The following RHEB variants were observed in gnomAD, a reference collection of about 807,000 sequenced individuals.
The protein encoded by RHEB is GTP-binding protein Rheb.
In RHEB, 2 loss-of-function variants were observed where a neutral mutation model predicts 28.8. That is an observed-to-expected ratio of 0.07 (90% CI 0.03 to 0.22). The LOEUF (loss-of-function observed/expected upper bound fraction) is 0.22, where lower values mean the gene tolerates loss of function less well. Among genes scored for constraint, RHEB ranks in the 10% least tolerant of loss-of-function variants. The probability of loss-of-function intolerance (pLI) is 1.00; values close to 1 mark genes in which losing one functional copy is unlikely to be tolerated. For missense variants in RHEB, 76 were observed against 219.9 expected, an observed-to-expected ratio of 0.35 and a Z score of 4.14; for synonymous variants, 69 against 77.3, an observed-to-expected ratio of 0.89 and a Z score of 0.56.
chr7:151,513,007 T>C (rs1803018889), intron 1 of RHEB, among the ~76,000 whole-genome samples: 1 of 152,212 alleles, frequency 6.6e-6, no homozygotes, highest in African/African-American at 2.4e-5. Flanking sequence ...CTGTATTCTT[T>C]ACTACCATGC....
At chr7:151,483,890 T>A (rs189777989) in intron 3 of RHEB, among the ~76,000 whole-genome samples, 1 of 152,324 alleles carries the variant, frequency 6.6e-6, no homozygotes, top group East Asian at 1.9e-4. Context: ...TTTCATGTAC[T>A]CCTTTCCCCC....
At chr7:151,497,114 C>T (rs1802688409) in intron 1 of RHEB, among the ~76,000 whole-genome samples, 2 of 152,028 alleles carry the variant, frequency 1.3e-5, no homozygotes, top group African/African-American at 2.4e-5. Context: ...TTAATCTAAT[C>T]AACTGCCTTT....
intron 3 of RHEB, among the ~76,000 whole-genome samples, chr7:151,482,885 C>A (rs1159359852): frequency 6.6e-6 from 1 of 152,186 alleles, no homozygotes; most frequent in Non-Finnish European, 1.5e-5. Flanking sequence ...TTCTAATGAG[C>A]CTCGTCATCT....
intron 2 of RHEB, among the ~76,000 whole-genome samples, chr7:151,485,959 C>T (rs1802466994): frequency 6.6e-6 from 1 of 152,220 alleles, no homozygotes; most frequent in Non-Finnish European, 1.5e-5. Flanking sequence ...TTTTAGGAAA[C>T]AGTTAAATCA....
At chr7:151,493,902 A>AT (rs1802629809) in intron 1 of RHEB, among the ~76,000 whole-genome samples, 1 of 152,188 alleles carries the variant, frequency 6.6e-6, no homozygotes, top group South Asian at 2.1e-4. Flanking sequence ...GTAAAAAAAA[A>AT]ACAAACTGTT....
intron 1 of RHEB, among the ~76,000 whole-genome samples, chr7:151,510,987 G>A (rs1255010267): frequency 6.6e-6 from 1 of 152,122 alleles, no homozygotes; most frequent in African/African-American, 2.4e-5. Flanking sequence ...GCTGAGGCGG[G>A]AGGATCCTTG....
Position 151,467,155 on chromosome 7 carries a change from T to G in RHEB, c.519A>C (p.Ala173=). Residue 173 remains alanine (A), a synonymous_variant, in exon 8 of 8, where the codon GCA becomes GCC. Transcript: ENST00000262187. ...IILEAEKMDG[A]ASQGKSSCSV... is the part of the protein sequence containing the mutation. ...AGCATGAAGACTTGCCTTGTGAAGC[T>G]GCCCCGTCCATTTTTTCTGCCTCCA... 1 of 1,613,844 alleles carries G rather than the reference T, an allele frequency of 6.2e-7. No individual in the cohort carries two copies. The highest frequency in any genetic ancestry group is 8.5e-7 in the Non-Finnish European group (1 of 1,179,724).
chr7:151,478,620 C>G (rs1003803239), intron 3 of RHEB, among the ~76,000 whole-genome samples: 1 of 151,950 alleles, frequency 6.6e-6, no homozygotes, highest in Admixed American at 6.6e-5. Flanking sequence ...GAGGAAAGAG[C>G]CCCCAGCTGA....
At chr7:151,493,004 T>C (rs937645772) in intron 1 of RHEB, among the ~76,000 whole-genome samples, 1 of 151,858 alleles carries the variant, frequency 6.6e-6, no homozygotes, top group East Asian at 1.9e-4. Flanking sequence ...CACACCTGAC[T>C]AATTTTTTTT....
intron 1 of RHEB, among the ~76,000 whole-genome samples, chr7:151,506,035 A>T (rs969945027): frequency 9.9e-5 from 15 of 152,182 alleles, no homozygotes; most frequent in Non-Finnish European, 2.9e-5. Flanking sequence ...GGAATGTTTC[A>T]TATTTTGATA....
intron 1 of RHEB, chr7:151,502,425 G>C: frequency 1.2e-6 from 1 of 810,402 alleles, no homozygotes; most frequent in East Asian, 2.4e-5. Context: ...ATACAACAAA[G>C]GCTCAAACTT....
intron 1 of RHEB, among the ~76,000 whole-genome samples, chr7:151,496,945 A>ATT (rs1172246541): frequency 1.7e-4 from 21 of 124,518 alleles, no homozygotes; most frequent in South Asian, 7.7e-4. Context: ...ACACTCGGCT[A>ATT]TTTTTTTTTT....
At chr7:151,467,280 G>A in intron 7 of RHEB, 69 bp from the exon 8 acceptor site, 2 of 1,192,176 alleles carry the variant, frequency 1.7e-6, no homozygotes, top group Non-Finnish European at 2.5e-6. Context: ...TTTACGGACT[G>A]AGGAGGGCGT....
At chr7:151,501,436 A>G (rs1197024352) in intron 1 of RHEB, among the ~76,000 whole-genome samples, 1 of 152,226 alleles carries the variant, frequency 6.6e-6, no homozygotes, top group Non-Finnish European at 1.5e-5. Flanking sequence ...AAAATAAAAA[A>G]TATTGGCCAT....
At chr7:151,470,071 A>ACATGC (rs1235271319) in intron 7 of RHEB, among the ~76,000 whole-genome samples, 1 of 152,206 alleles carries the variant, frequency 6.6e-6, no homozygotes, top group Non-Finnish European at 1.5e-5. Flanking sequence ...CCTTCCCAGA[A>ACATGC]CATGCCTTTG....
At chr7:151,507,361 T>C (rs909519868) in intron 1 of RHEB, among the ~76,000 whole-genome samples, 2 of 152,064 alleles carry the variant, frequency 1.3e-5, no homozygotes, top group Non-Finnish European at 2.9e-5. Context: ...AGGGGTGATA[T>C]GTGTTGTATT....
chr7:151,467,309 C>T lies in RHEB; in HGVS notation c.463-98G>A, dbSNP rs991133349. 1.0e-5 allele frequency: 9 copies of T among 866,524 alleles called. No homozygotes were observed. In the African/African-American group the frequency reaches 1.5e-4, roughly 14 times the overall value. The allele number at this position is 866,524 out of a possible 1,614,324, so 53.7% of individuals were successfully genotyped here. A position where few individuals can be genotyped will look rare whatever the true frequency, so the allele number is the denominator to read the frequency against. ...AGGGCGTGCCGCCTGCCCTGCCCTC[C>T]TACTGGTGGAGGAGGAGGGGTTCTG... On this transcript the variant is annotated intron_variant, in intron 7 of 7. Coordinates refer to ENST00000262187, the MANE Select transcript of RHEB (RefSeq NM_005614.4).
At chr7:151,516,572 C>T (rs928959781) in intron 1 of RHEB, among the ~76,000 whole-genome samples, 5 of 144,480 alleles carry the variant, frequency 3.5e-5, no homozygotes, top group Admixed American at 2.8e-4. Context: ...GCAGTGAGCC[C>T]AGATCCCGCC....
At chr7:151,467,733 A>C (rs1258518148) in intron 7 of RHEB, among the ~76,000 whole-genome samples, 2 of 151,846 alleles carry the variant, frequency 1.3e-5, no homozygotes, top group Non-Finnish European at 2.9e-5. Context: ...TTCAATCCAC[A>C]AACTGCCCTC....
Sources: gnomAD v4.1 joint callset for allele counts (sites outside exome capture counted in the v4.1 genomes callset) on GRCh38, gnomAD v4.1.1 for gene constraint, MANE v1.5 for transcripts, NCBI Gene and HGNC (gene_info 2026-07-23, HGNC 2026-07-21) for gene names.